ZC3H3: variants seen among roughly 807,000 people sequenced by gnomAD.
The protein encoded by ZC3H3 is zinc finger CCCH-type containing 3, also known as zinc finger CCCH domain-containing protein 3.
A neutral mutation model predicts 77.3 loss-of-function variants in ZC3H3; 36 were observed. The observed-to-expected ratio is 0.47, with a 90% CI of 0.36 to 0.61. The LOEUF (loss-of-function observed/expected upper bound fraction) is 0.61, where lower values mean the gene tolerates loss of function less well. ZC3H3 is among the 20% of genes least tolerant of loss of function. The probability of loss-of-function intolerance (pLI) is 0.00; values close to 1 mark genes in which losing one functional copy is unlikely to be tolerated. For missense variants in ZC3H3, 1,331 were observed against 1,312.2 expected, an observed-to-expected ratio of 1.01 and a Z score of -0.22; for synonymous variants, 626 against 555.2, an observed-to-expected ratio of 1.13 and a Z score of -1.79.
At chr8:143,453,203 G>A (rs970058002) in intron 9 of ZC3H3, among the ~76,000 whole-genome samples, 16 of 152,148 alleles carry the variant, frequency 1.1e-4, no homozygotes, top group African/African-American at 3.9e-4. Flanking sequence ...TCAGCCACCT[G>A]AGTAGCTGGG....
rs1268549745 is a variant in ZC3H3, at chr8:143,530,863, C to T, written c.1561+5394G>A. ...CCAAATGCCCCCTCTAGCATCGGTC[C>T]ACCAGAGACAGATCAACCCAGGCAG... On this transcript the variant is annotated intron_variant, in intron 3 of 11. Transcript: ENST00000262577. The surrounding 1 kb of genome is among the most constrained non-coding windows in gnomAD (Gnocchi z 4.3). Among the ~76,000 whole-genome samples the T allele has an allele frequency of 6.6e-6, 1 of 152,082 alleles. No homozygotes were observed. Among genetic ancestry groups the T allele is most frequent in the South Asian group, 2.1e-4 (1 of 4,822 alleles).
intron 4 of ZC3H3, among the ~76,000 whole-genome samples, chr8:143,479,195 C>A (rs79036380): frequency 6.6e-6 from 1 of 152,196 alleles, no homozygotes; most frequent in Non-Finnish European, 1.5e-5. Context: ...TTGCCCTCAC[C>A]CCTGCCCTCG....
chr8:143,529,981 G>A (rs1429123127), intron 3 of ZC3H3, among the ~76,000 whole-genome samples: 3 of 152,164 alleles, frequency 2.0e-5, no homozygotes, highest in African/African-American at 7.2e-5. Context: ...GGTGAGTGGA[G>A]ACTCCACTTC....
At chr8:143,531,997 T>C (rs1477583793) in intron 3 of ZC3H3, among the ~76,000 whole-genome samples, 3 of 152,286 alleles carry the variant, frequency 2.0e-5, no homozygotes, top group African/African-American at 7.2e-5. Flanking sequence ...GGGAAATTGA[T>C]TGAACGCGGC....
At chr8:143,468,323 C>T (rs1334525262) in intron 7 of ZC3H3, 45 bp from the exon 8 acceptor site, 6 of 1,611,838 alleles carry the variant, frequency 3.7e-6, no homozygotes, top group Non-Finnish European at 5.1e-6. Flanking sequence ...CCGGCAGGGA[C>T]CAAGGGCAGG....
chr8:143,472,391 T>C (rs554762550), intron 5 of ZC3H3, among the ~76,000 whole-genome samples: 29 of 152,310 alleles, frequency 1.9e-4, no homozygotes, highest in African/African-American at 6.3e-4. Context: ...GCCATGTGTG[T>C]AAATGGCAAG....
intron 4 of ZC3H3, among the ~76,000 whole-genome samples, chr8:143,481,488 G>A (rs2129931380): frequency 6.6e-6 from 1 of 152,312 alleles, no homozygotes; most frequent in East Asian, 1.9e-4. Flanking sequence ...GGCGGGAGAG[G>A]CGAGGCCAGC....
intron 5 of ZC3H3, among the ~76,000 whole-genome samples, chr8:143,474,820 C>A (rs1354752057): frequency 6.6e-6 from 1 of 152,254 alleles, no homozygotes; most frequent in African/African-American, 2.4e-5. Flanking sequence ...ATTTCCTTCT[C>A]CTGAGCCTGT....
At chr8:143,497,160 A>G (rs1821375387) in intron 4 of ZC3H3, among the ~76,000 whole-genome samples, 1 of 152,264 alleles carries the variant, frequency 6.6e-6, no homozygotes, top group Non-Finnish European at 1.5e-5. Context: ...CAAAACAAAA[A>G]GTTATCCCAA....
At chr8:143,492,610 G>C (rs189371689) in intron 4 of ZC3H3, among the ~76,000 whole-genome samples, 1 of 151,552 alleles carries the variant, frequency 6.6e-6, no homozygotes, top group African/African-American at 2.4e-5. Flanking sequence ...GCCTCACCTC[G>C]CACCCACACC....
chr8:143,487,762 A>C (rs554049494), intron 4 of ZC3H3, among the ~76,000 whole-genome samples: 2 of 11,276 alleles, frequency 1.8e-4, no homozygotes, highest in Admixed American at 7.7e-4. Context: ...AGCACCCGCT[A>C]CACGGCCCCA....
rs1822700447 is a variant in ZC3H3, at chr8:143,533,818, G to A, written c.1561+2439C>T. ...AGCCTCCCGAGTAGATGGGATTACA[G>A]ACGCTCGCCACCACACCCAGCTAAT... On this transcript the variant is annotated intron_variant, in intron 3 of 11. Transcript: ENST00000262577. This position sits in a 1 kb window ranked among gnomAD's most constrained non-coding sequence, Gnocchi z 4.0. 6.6e-6 allele frequency among the ~76,000 whole-genome samples: 1 copy of A among 151,678 alleles called. No individual in the cohort carries two copies. Among genetic ancestry groups the A allele is most frequent in the Admixed American group, 6.6e-5 (1 of 15,220 alleles).
intron 3 of ZC3H3, among the ~76,000 whole-genome samples, chr8:143,522,020 C>T (rs1278424721): frequency 6.6e-6 from 1 of 152,190 alleles, no homozygotes; most frequent in Non-Finnish European, 1.5e-5. Flanking sequence ...GGGGTGTGTC[C>T]ACCCAGGTGT....
intron 4 of ZC3H3, chr8:143,484,792 G>A (rs1821005656): frequency 2.4e-6 from 1 of 410,792 alleles, no homozygotes; most frequent in Non-Finnish European, 4.8e-6. Flanking sequence ...GACCCCTCAG[G>A]TCACTGCTGT....
intron 9 of ZC3H3, among the ~76,000 whole-genome samples, chr8:143,456,031 G>A (rs1820110694): frequency 1.3e-5 from 2 of 150,044 alleles, no homozygotes; most frequent in South Asian, 4.3e-4. Context: ...ATTTGTGGGT[G>A]GAAGATAATA....
intron 4 of ZC3H3, among the ~76,000 whole-genome samples, chr8:143,505,477 C>A (rs370369769): frequency 1.3e-5 from 2 of 152,200 alleles, no homozygotes; most frequent in East Asian, 3.9e-4. Context: ...TGGCAGGTGA[C>A]CCTGGGCGAG....
In ZC3H3 at chr8:143,460,840, T is replaced by G. The variant is rs1820242535; in HGVS notation, c.2307+4877A>C. 6.6e-6 allele frequency among the ~76,000 whole-genome samples: 1 copy of G among 152,112 alleles called. No homozygotes were observed. The highest frequency in any genetic ancestry group is 2.4e-5 in the African/African-American group (1 of 41,416). ...GGACACAGCTAGACCCTGGAAACAT[T>G]ACGCTGCGTGAAAGACGCCAGACAC... is the stretch of plus-strand genomic sequence containing the variant. On this transcript the variant is annotated intron_variant, in intron 9 of 11. Coordinates refer to ENST00000262577, the MANE Select transcript of ZC3H3 (RefSeq NM_015117.3). The surrounding 1 kb of genome is among the most constrained non-coding windows in gnomAD (Gnocchi z 4.0).
In ZC3H3 at chr8:143,493,626, T is replaced by C. The variant is rs1004175744; in HGVS notation, c.1715+14120A>G. Among the ~76,000 whole-genome samples, 2 of 152,218 alleles carry C rather than the reference T, an allele frequency of 1.3e-5. No individual in the cohort carries two copies. Among genetic ancestry groups the C allele is most frequent in the African/African-American group, 4.8e-5 (2 of 41,454 alleles). ...ATAAATAAATAACCACAGCACACTT[T>C]GAAACAACTTCCAAATTAAGAGTTG... On this transcript the variant is annotated intron_variant, in intron 4 of 11. Coordinates refer to ENST00000262577, the MANE Select transcript of ZC3H3 (RefSeq NM_015117.3). This position sits in a 1 kb window ranked among gnomAD's most constrained non-coding sequence, Gnocchi z 4.8.
chr8:143,513,733 C>T (rs1325999500), intron 3 of ZC3H3, among the ~76,000 whole-genome samples: 1 of 152,212 alleles, frequency 6.6e-6, no homozygotes, highest in East Asian at 1.9e-4. Flanking sequence ...CAACAGCTCT[C>T]GCTGTTCCTG....
Sources: allele counts gnomAD v4.1 joint callset (sites outside exome capture counted in the v4.1 genomes callset), GRCh38; gene constraint gnomAD v4.1.1; non-coding constraint Gnocchi (gnomAD v3.1); transcripts MANE v1.5; gene names NCBI Gene and HGNC (gene_info 2026-07-23, HGNC 2026-07-21).